DTX4: variants seen among roughly 807,000 people sequenced by gnomAD.
DTX4 encodes E3 ubiquitin-protein ligase DTX4.
DTX4 carries 28 observed loss-of-function variants against 57.6 expected under a neutral mutation model. The ratio of observed to expected loss-of-function variants is 0.49; its 90% confidence interval spans 0.36 to 0.67. The LOEUF is 0.67. Ranked by LOEUF, DTX4 falls within the 30% of genes least tolerant of loss-of-function variation. The pLI is 0.00. For synonymous variants in DTX4, 316 were observed against 331.0 expected (o/e 0.95, Z 0.49); for missense variants, 715 against 836.8 (o/e 0.85, Z 1.80).
chr11:59,171,929 G>A (rs908053430), upstream of DTX4, among the ~76,000 whole-genome samples: 1 of 152,160 alleles, frequency 6.6e-6, no homozygotes, highest in Non-Finnish European at 1.5e-5. Flanking sequence ...GTGTCATGGC[G>A]GGTCGCTTCT....
At chr11:59,200,877 T>C (rs1270210449) in intron 8 of DTX4, among the ~76,000 whole-genome samples, 1 of 152,204 alleles carries the variant, frequency 6.6e-6, no homozygotes, top group Non-Finnish European at 1.5e-5. Context: ...CTCTCCAAAT[T>C]TCCGCTGCTT....
At chr11:59,189,721 C>A (rs983482941) in intron 4 of DTX4, among the ~76,000 whole-genome samples, 8 of 152,150 alleles carry the variant, frequency 5.3e-5, no homozygotes. Context: ...AAAATAGTCA[C>A]AACTGGTATA....
At chr11:59,177,536 A>C (rs999533510) in intron 1 of DTX4, among the ~76,000 whole-genome samples, 1 of 152,126 alleles carries the variant, frequency 6.6e-6, no homozygotes, top group Non-Finnish European at 1.5e-5. Flanking sequence ...ATTGATTACA[A>C]ATTAAATCTA....
rs200628360 is a variant in DTX4, at chr11:59,182,219, C to T, written c.692C>T (p.Pro231Leu). 4.7e-5 allele frequency: 75 copies of T among 1,609,524 alleles called. No homozygotes were observed. In the African/African-American group the frequency reaches 8.9e-4, roughly 19 times the overall value. ...CCTCCTGGAGTGGTCAAGCTACCCC[C>T]ACTGCCAGGCTCTGGGGCCAAGCCA... ...MPPPGVVKLPPLPGSGAKPLD... is the reference protein window; with the variant it reads ...MPPPGVVKLPLLPGSGAKPLD... Residue 231 changes from proline to leucine, a missense_variant, in exon 2 of 9, where the codon CCA becomes CTA. Transcript: ENST00000227451.
intron 2 of DTX4, among the ~76,000 whole-genome samples, chr11:59,187,646 C>T (rs1157513581): frequency 1.3e-5 from 2 of 152,256 alleles, no homozygotes; most frequent in Non-Finnish European, 2.9e-5. Flanking sequence ...TGTCTGCCTC[C>T]TGGAGTCATC....
rs1862601403 is a variant in DTX4 at position 59,191,719 on chromosome 11, TC to T, written c.1222-378del. Reference sequence around the variant, plus strand: ...GGACATTTATTTAAATAGCCGTCCCTCTGGTACAGTTAAAATACAATTCCTT... The same window carrying T: ...GGACATTTATTTAAATAGCCGTCCCTTGGTACAGTTAAAATACAATTCCTT... On this transcript the variant is annotated intron_variant, in intron 5 of 8. Transcript: ENST00000227451. Among the ~76,000 whole-genome samples the T allele has an allele frequency of 2.6e-5, 4 of 152,254 alleles. No individual in the cohort carries two copies. In the South Asian group the frequency reaches 8.3e-4, roughly 32 times the overall value.
rs1862783485 is a variant in DTX4, at chr11:59,204,777, C to T, written c.1728C>T (p.Val576=). Residue 576 remains valine, a synonymous_variant, in exon 9 of 9, where the codon GTC becomes GTT. Transcript: ENST00000227451. ...GESDTVIWNE[V]HHKTEFGSNL... Reference sequence around the variant, plus strand: ...CAGACACCGTCATCTGGAATGAGGTCCACCACAAGACAGAGTTTGGCTCTA... The same window carrying T: ...CAGACACCGTCATCTGGAATGAGGTTCACCACAAGACAGAGTTTGGCTCTA... The T allele has an allele frequency of 6.2e-7, 1 of 1,613,482 alleles. No individual in the cohort carries two copies. The highest frequency in any genetic ancestry group is 1.7e-5 in the Admixed American group (1 of 59,942).
Position 59,207,448 on chromosome 11 carries a change from A to C in DTX4, c.*2539A>C, listed in dbSNP as rs1327708630. On this transcript the variant is annotated 3_prime_UTR_variant, in exon 9 of 9. Transcript: ENST00000227451. ...GCAGATGCCCAGTAGGGGCTACCTCATCCTCGTGCTGTTCTTGTGTGGCTT... is the reference window on the plus strand; with the variant it reads ...GCAGATGCCCAGTAGGGGCTACCTCCTCCTCGTGCTGTTCTTGTGTGGCTT... 1 of 152,308 alleles carries C rather than the reference A, an allele frequency of 6.6e-6. No homozygotes were observed. The highest frequency in any genetic ancestry group is 1.5e-5 in the Non-Finnish European group (1 of 68,146). 9.4% of individuals were successfully genotyped at this position (152,308 alleles called of 1,614,324 possible).
chr11:59,187,262 G>A (rs956122313), intron 2 of DTX4, among the ~76,000 whole-genome samples: 2 of 152,250 alleles, frequency 1.3e-5, no homozygotes, highest in Non-Finnish European at 2.9e-5. Flanking sequence ...TTCTGGCTTA[G>A]CTGTGTGATC....
Position 59,191,158 on chromosome 11 carries a change from C to A in DTX4, c.1204C>A (p.Arg402=). The part of the protein sequence containing the change: ...EVLKKYLQKV[R]HPPDEDCTIC... ...GCTAAAAAAATATCTACAGAAAGTC[C>A]GGCACCCACCAGATGAGGTGAGTTC... Residue 402 remains arginine, a synonymous_variant, in exon 5 of 9, where the codon CGG becomes AGG. Transcript: ENST00000227451. 1 of 1,572,246 alleles carries A rather than the reference C, an allele frequency of 6.4e-7. No individual in the cohort carries two copies. Among genetic ancestry groups the A allele is most frequent in the East Asian group, 2.4e-5 (1 of 42,428 alleles).
At chr11:59,198,107 G>A in intron 7 of DTX4, among the ~76,000 whole-genome samples, 1 of 152,220 alleles carries the variant, frequency 6.6e-6, no homozygotes, top group East Asian at 1.9e-4. Flanking sequence ...GCGCTTCTGT[G>A]AGGAGTCGAG....
At chr11:59,171,441 G>A (rs144968931), upstream of DTX4, 1 of 152,332 alleles carries the variant, frequency 6.6e-6, no homozygotes, top group Non-Finnish European at 1.5e-5. Context: ...GCGTCTTCCT[G>A]ACTCTAGTAC....
intron 6 of DTX4, among the ~76,000 whole-genome samples, chr11:59,193,965 T>C (rs1407305668): frequency 1.3e-5 from 2 of 152,182 alleles, no homozygotes; most frequent in Admixed American, 1.3e-4. Flanking sequence ...TCCCAGCCCA[T>C]GCGCCTTCCT....
intron 8 of DTX4, among the ~76,000 whole-genome samples, chr11:59,202,168 G>A (rs186693840): frequency 1.1e-4 from 17 of 152,358 alleles, no homozygotes; most frequent in Admixed American, 1.0e-3. Flanking sequence ...ACTACAGTGT[G>A]AGTTAAACCT....
intron 1 of DTX4, among the ~76,000 whole-genome samples, chr11:59,174,185 G>C (rs1862365566): frequency 1.3e-5 from 2 of 152,136 alleles, no homozygotes; most frequent in Non-Finnish European, 2.9e-5. Context: ...TGATTGAGGA[G>C]AGCTTTCTGG....
chr11:59,188,178 C>T (rs1862550279), intron 2 of DTX4, among the ~76,000 whole-genome samples: 1 of 151,988 alleles, frequency 6.6e-6, no homozygotes, highest in Non-Finnish European at 1.5e-5. Flanking sequence ...TTTGTAGAGC[C>T]TAGATTCTAG....
chr11:59,201,029 A>G (rs1862734773), intron 8 of DTX4, among the ~76,000 whole-genome samples: 1 of 152,208 alleles, frequency 6.6e-6, no homozygotes, highest in South Asian at 2.1e-4. Context: ...ATAGACACTT[A>G]TGTCTCACAA....
intron 8 of DTX4, among the ~76,000 whole-genome samples, chr11:59,202,109 A>T (rs1862747398): frequency 6.6e-6 from 1 of 152,258 alleles, no homozygotes; most frequent in African/African-American, 2.4e-5. Flanking sequence ...AAAGAAATAA[A>T]ATGAAGAAAC....
intron 8 of DTX4, among the ~76,000 whole-genome samples, chr11:59,203,164 C>T (rs1162601640): frequency 6.6e-6 from 1 of 152,210 alleles, no homozygotes; most frequent in Non-Finnish European, 1.5e-5. Flanking sequence ...ACTTTATAAA[C>T]ACTGTACACT....
Sources: allele counts gnomAD v4.1 joint callset (sites outside exome capture counted in the v4.1 genomes callset), GRCh38; gene constraint gnomAD v4.1.1; transcripts MANE v1.5; gene names NCBI Gene and HGNC (gene_info 2026-07-23, HGNC 2026-07-21).